PTPRD: variants seen among roughly 807,000 people sequenced by gnomAD.
PTPRD encodes the protein protein tyrosine phosphatase receptor type D, also known as receptor-type tyrosine-protein phosphatase delta.
In PTPRD, 34 loss-of-function variants were observed where a neutral mutation model predicts 214.5. The ratio of observed to expected loss-of-function variants is 0.16; its 90% confidence interval spans 0.12 to 0.21. PTPRD has a LOEUF of 0.21. Among genes scored for constraint, PTPRD ranks in the 10% least tolerant of loss-of-function variants. PTPRD has a pLI of 1.00. For missense variants in PTPRD, 2,545 were observed against 2,398.7 expected, an observed-to-expected ratio of 1.06 and a Z score of -1.27; for synonymous variants, 1,128 against 845.7, an observed-to-expected ratio of 1.33 and a Z score of -5.79.
chr9:9,158,497 G>A (rs973543942), intron 10 of PTPRD, among the ~76,000 whole-genome samples: 20 of 152,244 alleles, frequency 1.3e-4, no homozygotes, highest in African/African-American at 4.8e-4. Context: ...CTTCTCAGGA[G>A]GCTGAGGCGG....
chr9:10,496,685 T>C (rs1326569627), intron 2 of PTPRD, among the ~76,000 whole-genome samples: 4 of 152,082 alleles, frequency 2.6e-5, no homozygotes, highest in African/African-American at 9.7e-5. Context: ...GTGGTTTTAA[T>C]TTGCATTTCT....
chr9:9,805,232 C>T lies in PTPRD; in HGVS notation c.-367-38381G>A, dbSNP rs4742623. Reference sequence around the variant, plus strand: ...AATGATGTTAACAACCTCACAATGACCTAGTAGTATGAGAAGAAGTAATAT... The same window carrying T: ...AATGATGTTAACAACCTCACAATGATCTAGTAGTATGAGAAGAAGTAATAT... On this transcript the variant is annotated intron_variant, in intron 5 of 45. Transcript: ENST00000381196. Among the ~76,000 whole-genome samples, 8 of 152,060 alleles carry T rather than the reference C, an allele frequency of 5.3e-5. No individual in the cohort carries two copies. In the South Asian group the frequency reaches 1.5e-3, roughly 28 times the overall value.
At chr9:9,631,747 C>T (rs998321127) in intron 7 of PTPRD, among the ~76,000 whole-genome samples, 10 of 152,078 alleles carry the variant, frequency 6.6e-5, no homozygotes, top group African/African-American at 2.4e-4. Flanking sequence ...AAAACAACCA[C>T]CTAAAATTAG....
At chr9:8,803,585 T>G (rs545985037) in intron 11 of PTPRD, among the ~76,000 whole-genome samples, 1 of 152,010 alleles carries the variant, frequency 6.6e-6, no homozygotes, top group East Asian at 1.9e-4. Context: ...ATTAAAAAAT[T>G]AGTCAGGCAT....
intron 8 of PTPRD, among the ~76,000 whole-genome samples, chr9:9,467,080 T>C (rs557809563): frequency 1.3e-5 from 2 of 150,160 alleles, no homozygotes; most frequent in East Asian, 3.9e-4. Flanking sequence ...TATTTCTCAA[T>C]ACCTATTTTT....
At chr9:8,500,629 C>A in intron 24 of PTPRD, 125 bp downstream of exon 24, 17 of 287,730 alleles carry the variant, frequency 5.9e-5, no homozygotes, top group African/African-American at 9.9e-5. Flanking sequence ...GGCAAAAATA[C>A]TAAAGTAACA....
intron 10 of PTPRD, among the ~76,000 whole-genome samples, chr9:9,122,482 T>C (rs1217439490): frequency 6.6e-6 from 1 of 152,150 alleles, no homozygotes; most frequent in East Asian, 1.9e-4. Context: ...TCAGAAGGCA[T>C]TGCTCTATTT....
chr9:8,527,196 T>G (rs1592807779), intron 16 of PTPRD, 149 bp downstream of exon 16: 2 of 732,256 alleles, frequency 2.7e-6, no homozygotes, highest in Non-Finnish European at 4.5e-6. Context: ...AACAGTTCTG[T>G]GGAGGTGTGT....
intron 8 of PTPRD, among the ~76,000 whole-genome samples, chr9:9,493,983 C>T (rs575938924): frequency 1.3e-5 from 2 of 152,002 alleles, no homozygotes; most frequent in African/African-American, 4.8e-5. Context: ...AAATATCAAC[C>T]GTAACAGAGT....
chr9:9,607,400 T>TA (rs1290447107), intron 7 of PTPRD, among the ~76,000 whole-genome samples: 1 of 152,196 alleles, frequency 6.6e-6, no homozygotes, highest in African/African-American at 2.4e-5. Context: ...TCTAACAAAT[T>TA]AATTCTCACA....
Position 8,454,687 on chromosome 9 carries a change from A to C in PTPRD, c.3876-4850T>G, listed in dbSNP as rs1590960796. On this transcript the variant is annotated intron_variant, in intron 33 of 45. Coordinates refer to ENST00000381196, the MANE Select transcript of PTPRD (RefSeq NM_002839.4). ...ATAACCATGACAACCAAGATTTAAGAAATAGTGTTCACAAGCAAGGACACA... is the reference window on the plus strand; with the variant it reads ...ATAACCATGACAACCAAGATTTAAGCAATAGTGTTCACAAGCAAGGACACA... 4 of 1,393,592 alleles carry C rather than the reference A, an allele frequency of 2.9e-6. No homozygotes were observed. In the African/African-American group the frequency reaches 5.7e-5, roughly 20 times the overall value. 86.3% of individuals were successfully genotyped at this position (1,393,592 alleles called of 1,614,324 possible). A position where few individuals can be genotyped will look rare whatever the true frequency, so the allele number is the denominator to read the frequency against.
At chr9:8,534,166 T>C (rs1450407115) in intron 14 of PTPRD, among the ~76,000 whole-genome samples, 1 of 152,006 alleles carries the variant, frequency 6.6e-6, no homozygotes, top group African/African-American at 2.4e-5. Context: ...CACAATTTAG[T>C]CCTTGCTTCC....
chr9:8,337,090 A>C (rs1322777653), intron 43 of PTPRD, among the ~76,000 whole-genome samples: 1 of 152,190 alleles, frequency 6.6e-6, no homozygotes, highest in Non-Finnish European at 1.5e-5. Context: ...CAGCAATCCC[A>C]TTACTGAGTG....
chr9:9,378,088 A>G (rs1029702362), intron 9 of PTPRD, among the ~76,000 whole-genome samples: 2 of 152,102 alleles, frequency 1.3e-5, no homozygotes, highest in African/African-American at 4.8e-5. Context: ...ATCGTTATCC[A>G]AAGACCACAG....
At position 8,655,486 on chromosome 9, in the gene PTPRD, G is replaced by A. The variant is rs139055467; in HGVS notation, c.65-18642C>T. ...ATAAAAAGCATTTTCTGGAAATAGT[G>A]TGCCTCATTTTACCAACTTTAGATC... On this transcript the variant is annotated intron_variant, in intron 12 of 45. Transcript: ENST00000381196. Among the ~76,000 whole-genome samples, 92 of 152,228 alleles carry A rather than the reference G, an allele frequency of 6.0e-4. 1 individual carries two copies. Among genetic ancestry groups the A allele is most frequent in the Non-Finnish European group, 2.8e-4 (19 of 68,004 alleles).
At chr9:9,470,966 C>T (rs990029814) in intron 8 of PTPRD, among the ~76,000 whole-genome samples, 8 of 152,114 alleles carry the variant, frequency 5.3e-5, no homozygotes, top group African/African-American at 1.9e-4. Flanking sequence ...CTTTTCCTCA[C>T]AAATGTTTTA....
intron 11 of PTPRD, among the ~76,000 whole-genome samples, chr9:8,785,553 C>T (rs916373897): frequency 6.6e-6 from 1 of 152,200 alleles, no homozygotes; most frequent in African/African-American, 2.4e-5. Context: ...GCCCCTCTGC[C>T]TCCATATTAA....
chr9:10,061,295 A>G (rs1302644772), intron 3 of PTPRD, among the ~76,000 whole-genome samples: 2 of 152,050 alleles, frequency 1.3e-5, no homozygotes, highest in South Asian at 4.1e-4. Flanking sequence ...ACTTGTTCCA[A>G]TGAGCAAATG....
chr9:10,596,610 C>T (rs2076679920), intron 2 of PTPRD, among the ~76,000 whole-genome samples: 1 of 151,432 alleles, frequency 6.6e-6, no homozygotes, highest in Non-Finnish European at 1.5e-5. Flanking sequence ...TTGTAATAAG[C>T]AGGGAATTAA....
Sources: gnomAD v4.1 joint callset for allele counts (sites outside exome capture counted in the v4.1 genomes callset) on GRCh38, gnomAD v4.1.1 for gene constraint, MANE v1.5 for transcripts, NCBI Gene and HGNC (gene_info 2026-07-23, HGNC 2026-07-21) for gene names.